Variants in PRKDC observed in about 807,000 individuals in gnomAD.
The protein encoded by PRKDC is protein kinase, DNA-activated, catalytic subunit, also known as DNA-dependent protein kinase catalytic subunit.
Under a neutral mutation model 486.9 loss-of-function variants are expected in PRKDC, and 82 were observed. The observed-to-expected ratio is 0.17, with a 90% CI of 0.14 to 0.20. The LOEUF is 0.20. Ranked by LOEUF, PRKDC falls within the 10% of genes least tolerant of loss-of-function variation. PRKDC has a pLI of 1.00. For missense variants in PRKDC, 4,504 were observed against 5,038.2 expected (o/e 0.89, Z 3.21); for synonymous variants, 1,895 against 1,837.0 (o/e 1.03, Z -0.81).
chr8:47,865,048 T>C (rs891722060), intron 40 of PRKDC, among the ~76,000 whole-genome samples: 3 of 152,354 alleles, frequency 2.0e-5, no homozygotes, highest in South Asian at 2.1e-4. Flanking sequence ...TGGAAGGCTC[T>C]AGAAGAATCT....
At chr8:47,923,456 G>A (rs2090106769) in intron 21 of PRKDC, among the ~76,000 whole-genome samples, 1 of 152,200 alleles carries the variant, frequency 6.6e-6, no homozygotes, top group African/African-American at 2.4e-5. Flanking sequence ...AGGAGATTCA[G>A]GCCATGTGTC....
chr8:47,853,268 G>A (rs2088455051), intron 51 of PRKDC, among the ~76,000 whole-genome samples: 1 of 152,216 alleles, frequency 6.6e-6, no homozygotes, highest in South Asian at 2.1e-4. Flanking sequence ...CAAAGCCCCA[G>A]CCAGTGACTG....
chr8:47,923,441 G>A (rs373625729), intron 21 of PRKDC, among the ~76,000 whole-genome samples: 1 of 152,156 alleles, frequency 6.6e-6, no homozygotes, highest in Non-Finnish European at 1.5e-5. Context: ...TTCACTGTCT[G>A]AAAAAGGAGA....
chr8:47,914,533 C>T (rs1165409051), intron 23 of PRKDC, among the ~76,000 whole-genome samples: 1 of 152,176 alleles, frequency 6.6e-6, no homozygotes, highest in Non-Finnish European at 1.5e-5. Context: ...GGCATGGTAG[C>T]TCACACCAGT....
chr8:47,842,026 C>T (rs1000782535), intron 54 of PRKDC, among the ~76,000 whole-genome samples: 5 of 152,222 alleles, frequency 3.3e-5, no homozygotes, highest in Admixed American at 6.5e-5. Flanking sequence ...CAACAGACCA[C>T]CCAGAGACAT....
At chr8:47,802,517 T>C (rs2087129733) in intron 70 of PRKDC, among the ~76,000 whole-genome samples, 1 of 150,258 alleles carries the variant, frequency 6.7e-6, no homozygotes, top group Non-Finnish European at 1.5e-5. Context: ...AGTTTTGCTG[T>C]TGTCATCCAG....
At chr8:47,823,083 T>TC (rs2087642476) in intron 64 of PRKDC, among the ~76,000 whole-genome samples, 1 of 152,030 alleles carries the variant, frequency 6.6e-6, no homozygotes. Context: ...TGATGAGTGA[T>TC]CCTAGCACTT....
chr8:47,895,083 A>T (rs896403707), intron 30 of PRKDC, among the ~76,000 whole-genome samples: 2 of 152,068 alleles, frequency 1.3e-5, no homozygotes, highest in Non-Finnish European at 2.9e-5. Context: ...TCTCTTAAAA[A>T]CAAACAGGTG....
rs759916434 is a variant in PRKDC, at chr8:47,807,191, G to A, written c.9693C>T (p.Ile3231=). ...QEQEEDISSL[I]RSCKFSMKMK... ...TTTTCATGGAAAACTTGCAACTCCT[G>A]ATCAGGGAGCTGATATCTTCTTCCT... The change falls in exon 69 of 86, where the codon ATC becomes ATT. Residue 3231 remains isoleucine, a synonymous_variant. Coordinates refer to ENST00000314191, the MANE Select transcript of PRKDC (RefSeq NM_006904.7). The A allele has an allele frequency of 1.7e-5, 28 of 1,613,738 alleles. No homozygotes were observed. The highest frequency in any genetic ancestry group is 2.4e-5 in the Non-Finnish European group (28 of 1,179,858).
At position 47,860,944 on chromosome 8, in the gene PRKDC, T is replaced by A; in HGVS notation, c.6013A>T (p.Ile2005Phe). The A allele has an allele frequency of 6.2e-7, 1 of 1,607,804 alleles. No homozygotes were observed. Among genetic ancestry groups the A allele is most frequent in the East Asian group, 2.2e-5 (1 of 44,712 alleles). Reference protein sequence around the residue: ...EVPMERKKKYIEIRKEAREAA... With the variant: ...EVPMERKKKYFEIRKEAREAA... ...TCTCTGGCTTCTTTCCTAATTTCAATGTACTTTTTCTTTCTTTCCATAGGA... is the reference window on the plus strand; with the variant it reads ...TCTCTGGCTTCTTTCCTAATTTCAAAGTACTTTTTCTTTCTTTCCATAGGA... The change falls in exon 45 of 86, where the codon ATT becomes TTT. Residue 2005 changes from isoleucine to phenylalanine, a missense_variant. By Grantham distance (21) the Ile-to-Phe change is conservative. This residue lies in a region of PRKDC where 1,592 missense variants were observed against 1,724.6 expected (regional missense o/e 0.92). Coordinates refer to ENST00000314191, the MANE Select transcript of PRKDC (RefSeq NM_006904.7).
At chr8:47,871,554 A>T (rs1262872828) in intron 40 of PRKDC, among the ~76,000 whole-genome samples, 1 of 152,236 alleles carries the variant, frequency 6.6e-6, no homozygotes, top group African/African-American at 2.4e-5. Context: ...CAATACCACA[A>T]GATAAATGCT....
chr8:47,821,313 C>T, intron 65 of PRKDC, among the ~76,000 whole-genome samples: 1 of 152,130 alleles, frequency 6.6e-6, no homozygotes, highest in East Asian at 1.9e-4. Flanking sequence ...AGCCAGTGAT[C>T]CGGGGCGACT....
rs1020684004 is a variant in PRKDC at position 47,936,459 on chromosome 8, C to T, written c.1172G>A (p.Arg391His). The change falls in exon 12 of 86, where the codon CGC becomes CAC. Residue 391 changes from arginine to histidine, a missense_variant. Around this residue, in one of 6 missense-constraint regions of PRKDC, gnomAD observed 1,969 missense variants for 2,068.9 expected, o/e 0.95. Coordinates refer to ENST00000314191, the MANE Select transcript of PRKDC (RefSeq NM_006904.7). ...VDFMYVELIQRCKQMFLTQTD... is the reference protein window; with the variant it reads ...VDFMYVELIQHCKQMFLTQTD... ...CTGGGTGAGGAACATCTGCTTGCAGCGCTGAATGAGCTCAACGTACATGAA... is the reference window on the plus strand; with the variant it reads ...CTGGGTGAGGAACATCTGCTTGCAGTGCTGAATGAGCTCAACGTACATGAA... 5 of 1,613,860 alleles carry T rather than the reference C, an allele frequency of 3.1e-6. No homozygotes were observed. The highest frequency in any genetic ancestry group is 4.2e-6 in the Non-Finnish European group (5 of 1,179,896).
At chr8:47,880,434 T>C (rs146065110) in intron 38 of PRKDC, among the ~76,000 whole-genome samples, 18 of 152,286 alleles carry the variant, frequency 1.2e-4, no homozygotes, top group African/African-American at 4.3e-4. Context: ...TCCAAGACTG[T>C]CTATGGAGAA....
intron 73 of PRKDC, among the ~76,000 whole-genome samples, chr8:47,795,690 G>A (rs957456352): frequency 1.1e-4 from 16 of 150,060 alleles, no homozygotes; most frequent in South Asian, 2.1e-4. Flanking sequence ...GACAAGTTTC[G>A]CCACGTTGGC....
intron 80 of PRKDC, among the ~76,000 whole-genome samples, chr8:47,781,952 C>T (rs2086705931): frequency 6.6e-6 from 1 of 152,222 alleles, no homozygotes; most frequent in Non-Finnish European, 1.5e-5. Flanking sequence ...TTTCTTCCCC[C>T]CACCCAAAGT....
chr8:47,877,393 A>C (rs1029133471), intron 40 of PRKDC, among the ~76,000 whole-genome samples: 1 of 152,246 alleles, frequency 6.6e-6, no homozygotes, highest in Non-Finnish European at 1.5e-5. Context: ...ACATATACAG[A>C]AGGATTTAAG....
intron 31 of PRKDC, 46 bp from the exon 32 acceptor site, chr8:47,890,526 T>A: frequency 2.9e-6 from 4 of 1,376,678 alleles, no homozygotes; most frequent in Non-Finnish European, 3.0e-6. Flanking sequence ...TCCTTTCAAC[T>A]CCACTAAGAT....
intron 19 of PRKDC, 146 bp from the exon 20 acceptor site, chr8:47,928,036 A>G: frequency 1.5e-6 from 1 of 660,590 alleles, no homozygotes. Context: ...ATTACACACT[A>G]ACCTCCAGGA....
Sources: allele counts gnomAD v4.1 joint callset (sites outside exome capture counted in the v4.1 genomes callset), GRCh38; gene constraint gnomAD v4.1.1; regional missense constraint gnomAD v4.1.1; transcripts MANE v1.5; gene names NCBI Gene and HGNC (gene_info 2026-07-23, HGNC 2026-07-21).